The following CAMTA1 variants were observed in gnomAD, a reference collection of about 807,000 sequenced individuals.
The protein encoded by CAMTA1 is calmodulin-binding transcription activator 1.
Under a neutral mutation model 170.9 loss-of-function variants are expected in CAMTA1, and 27 were observed. The observed-to-expected ratio is 0.16, with a 90% confidence interval of 0.12 to 0.22. The LOEUF is 0.22. CAMTA1 is among the 10% of genes least tolerant of loss of function. The pLI is 1.00. For synonymous variants in CAMTA1, 833 were observed against 891.5 expected, an observed-to-expected ratio of 0.93 and a Z score of 1.17; for missense variants, 1,619 against 2,217.2, an observed-to-expected ratio of 0.73 and a Z score of 5.42.
intron 6 of CAMTA1, among the ~76,000 whole-genome samples, chr1:7,622,557 C>G (rs971085003): frequency 2.6e-5 from 4 of 152,198 alleles, no homozygotes; most frequent in Non-Finnish European, 5.9e-5. Flanking sequence ...TCGGAGTAAG[C>G]CTTCCACCAC....
chr1:6,855,112 C>T (rs1354086848), intron 3 of CAMTA1, among the ~76,000 whole-genome samples: 1 of 152,014 alleles, frequency 6.6e-6, no homozygotes, highest in African/African-American at 2.4e-5. Context: ...AAAAAAACCT[C>T]TTTATAACTT....
chr1:7,516,090 C>T (rs1441440750), intron 6 of CAMTA1, among the ~76,000 whole-genome samples: 1 of 152,238 alleles, frequency 6.6e-6, no homozygotes, highest in Non-Finnish European at 1.5e-5. Flanking sequence ...CCCACTCCCG[C>T]CTCCATCAGC....
rs570769168 is a variant in CAMTA1, at chr1:7,174,258, A to G, written c.303-75233A>G. Among the ~76,000 whole-genome samples the G allele has an allele frequency of 3.3e-5, 5 of 152,358 alleles. No individual in the cohort carries two copies. In the East Asian group the frequency reaches 7.7e-4, roughly 23 times the overall value. ...ACAAACAGCCCCAGCTGCAACCGCT[A>G]TACATAGTCACTATCAACAAGGAAA... is the stretch of plus-strand genomic sequence containing the variant. On this transcript the variant is annotated intron_variant, in intron 4 of 22. Transcript: ENST00000303635.
chr1:7,568,290 A>G (rs1461316668), intron 6 of CAMTA1, among the ~76,000 whole-genome samples: 1 of 145,738 alleles, frequency 6.9e-6, no homozygotes, highest in East Asian at 2.0e-4. Context: ...CATCATCATC[A>G]CCACATCACC....
rs1288666678 is a variant in CAMTA1 at position 7,609,140 on chromosome 1, G to A, written c.511-31260G>A. Among the ~76,000 whole-genome samples, 1 of 152,098 alleles carries A rather than the reference G, an allele frequency of 6.6e-6. No individual in the cohort carries two copies. The highest frequency in any genetic ancestry group is 2.4e-5 in the African/African-American group (1 of 41,424). On this transcript the variant is annotated intron_variant, in intron 6 of 22. Transcript: ENST00000303635. This position sits in a 1 kb window ranked among gnomAD's most constrained non-coding sequence, Gnocchi z 4.4. ...ACATTCTGGCCCCTTCCCACTACCGGCCTAGCCCTGCCGCCTGTGCCTTGC... is the reference window on the plus strand; with the variant it reads ...ACATTCTGGCCCCTTCCCACTACCGACCTAGCCCTGCCGCCTGTGCCTTGC...
At chr1:6,827,303 C>T (rs188739301) in intron 3 of CAMTA1, among the ~76,000 whole-genome samples, 4 of 152,316 alleles carry the variant, frequency 2.6e-5, no homozygotes, top group Admixed American at 2.6e-4. Flanking sequence ...CCATGCAGCA[C>T]CCTTTCCCTT....
intron 6 of CAMTA1, among the ~76,000 whole-genome samples, chr1:7,495,908 C>T (rs906674224): frequency 3.9e-5 from 6 of 152,230 alleles, no homozygotes; most frequent in African/African-American, 1.2e-4. Flanking sequence ...ACGGGCACTG[C>T]CTGTTCCCAG....
At chr1:6,917,852 G>T (rs77346473) in intron 3 of CAMTA1, among the ~76,000 whole-genome samples, 11 of 30,782 alleles carry the variant, frequency 3.6e-4, no homozygotes, top group East Asian at 1.1e-3. Flanking sequence ...CATCGGGGGC[G>T]GGGGGGGACA....
intron 3 of CAMTA1, among the ~76,000 whole-genome samples, chr1:6,858,071 T>C (rs1663110879): frequency 6.6e-6 from 1 of 152,122 alleles, no homozygotes; most frequent in South Asian, 2.1e-4. Context: ...ATCCCAGGAA[T>C]GGGAAGGAAT....
intron 10 of CAMTA1, among the ~76,000 whole-genome samples, chr1:7,672,436 G>C (rs1330587910): frequency 6.6e-6 from 1 of 151,822 alleles, no homozygotes; most frequent in African/African-American, 2.4e-5. Context: ...TGGTTTTTTT[G>C]TTTTGAGATG....
At chr1:7,398,179 CTCTCTCTCTCTCTCTATA>C (rs1372568960) in intron 5 of CAMTA1, among the ~76,000 whole-genome samples, 7 of 43,762 alleles carry the variant, frequency 1.6e-4, no homozygotes, top group African/African-American at 3.6e-4. Context: ...CTCTCTCTCT[CTCTCTCTCTCTCTCTATA>C]TATATATATA....
At chr1:7,678,630 G>T (rs1360306570) in intron 11 of CAMTA1, among the ~76,000 whole-genome samples, 1 of 152,206 alleles carries the variant, frequency 6.6e-6, no homozygotes, top group Non-Finnish European at 1.5e-5. Context: ...GGGGGGCTGA[G>T]CCCAGTACAC....
At chr1:7,095,034 G>A (rs1186574663) in intron 4 of CAMTA1, among the ~76,000 whole-genome samples, 2 of 151,972 alleles carry the variant, frequency 1.3e-5, no homozygotes, top group Non-Finnish European at 2.9e-5. Context: ...TGGCCATGCA[G>A]TTTAGTCTCA....
chr1:7,357,145 A>G (rs1237075248), intron 5 of CAMTA1, among the ~76,000 whole-genome samples: 4 of 152,240 alleles, frequency 2.6e-5, no homozygotes, highest in Non-Finnish European at 4.4e-5. Context: ...TTCAGGATGA[A>G]ACCAAGGGCC....
At chr1:7,449,906 G>T (rs1204775410) in intron 5 of CAMTA1, among the ~76,000 whole-genome samples, 1 of 152,184 alleles carries the variant, frequency 6.6e-6, no homozygotes, top group East Asian at 1.9e-4. Context: ...GCCCCCAGGG[G>T]AGAAAGGCGT....
chr1:7,568,687 C>G (rs1266014762), intron 6 of CAMTA1, among the ~76,000 whole-genome samples: 3 of 151,734 alleles, frequency 2.0e-5, no homozygotes, highest in East Asian at 3.9e-4. Context: ...AAATCACCAT[C>G]AAAATCATCA....
At chr1:6,888,778 C>G (rs1401593807) in intron 3 of CAMTA1, among the ~76,000 whole-genome samples, 1 of 151,960 alleles carries the variant, frequency 6.6e-6, no homozygotes, top group Non-Finnish European at 1.5e-5. Flanking sequence ...GCCAGAATAC[C>G]AATATTGTTC....
intron 19 of CAMTA1, chr1:7,750,928 T>C: frequency 1.7e-6 from 1 of 595,758 alleles, no homozygotes; most frequent in South Asian, 1.6e-5. Flanking sequence ...GGTATTGCTA[T>C]TAAAATTTTT....
chr1:7,704,010 G>A (rs1178667981), intron 11 of CAMTA1, among the ~76,000 whole-genome samples: 4 of 151,982 alleles, frequency 2.6e-5, no homozygotes, highest in Admixed American at 2.0e-4. Flanking sequence ...CCCAAAGCCG[G>A]AGCCGCCGCC....
Sources: gnomAD v4.1 joint callset for allele counts (sites outside exome capture counted in the v4.1 genomes callset) on GRCh38, gnomAD v4.1.1 for gene constraint, Gnocchi (gnomAD v3.1) non-coding constraint, MANE v1.5 for transcripts, NCBI Gene and HGNC (gene_info 2026-07-23, HGNC 2026-07-21) for gene names.